Variants in CLASP1 observed in about 807,000 individuals in gnomAD.
The protein encoded by CLASP1 is cytoplasmic linker associated protein 1.
A neutral mutation model predicts 192.3 loss-of-function variants in CLASP1; 38 were observed. The ratio of observed to expected loss-of-function variants is 0.20; its 90% confidence interval spans 0.15 to 0.26. The LOEUF is 0.26. Among genes scored for constraint, CLASP1 ranks in the 10% least tolerant of loss-of-function variants. The pLI, the probability that CLASP1 is intolerant of heterozygous loss-of-function variation, is 1.00. For missense variants in CLASP1, 1,433 were observed against 1,932.5 expected (o/e 0.74, Z 4.85); for synonymous variants, 691 against 712.8 (o/e 0.97, Z 0.49).
chr2:121,495,141 T>C (rs1001635525), intron 8 of CLASP1, among the ~76,000 whole-genome samples: 15 of 151,354 alleles, frequency 9.9e-5, no homozygotes, highest in Admixed American at 2.6e-4. Flanking sequence ...GCTAACACAG[T>C]GAAACTCCAT....
At chr2:121,500,397 A>G (rs375881892) in intron 8 of CLASP1, among the ~76,000 whole-genome samples, 5 of 132,130 alleles carry the variant, frequency 3.8e-5, no homozygotes, top group African/African-American at 5.5e-5. Flanking sequence ...AGAAAGAAAG[A>G]AAAGAAAGAA....
intron 8 of CLASP1, among the ~76,000 whole-genome samples, chr2:121,477,024 C>A (rs1019240684): frequency 6.6e-6 from 1 of 152,224 alleles, no homozygotes; most frequent in Non-Finnish European, 1.5e-5. Context: ...CTTGAAAACA[C>A]AAGTCTACTG....
At chr2:121,537,518 A>G (rs2095122058) in intron 2 of CLASP1, among the ~76,000 whole-genome samples, 1 of 152,194 alleles carries the variant, frequency 6.6e-6, no homozygotes, top group Non-Finnish European at 1.5e-5. Context: ...ATCACACCAC[A>G]CTAAGGAAAA....
chr2:121,467,468 T>G (rs143211333), intron 9 of CLASP1, among the ~76,000 whole-genome samples: 2 of 152,170 alleles, frequency 1.3e-5, no homozygotes, highest in African/African-American at 4.8e-5. Context: ...CTCGCCAGCA[T>G]CTATTGTTTT....
chr2:121,410,855 G>A lies in CLASP1; in HGVS notation c.2424+11C>T, dbSNP rs2077597031. 2.6e-6 allele frequency: 4 copies of A among 1,553,064 alleles called. No homozygotes were observed. Among genetic ancestry groups the A allele is most frequent in the South Asian group, 1.1e-5 (1 of 88,244 alleles). On this transcript the variant is annotated intron_variant, in intron 24 of 39. Coordinates refer to ENST00000263710, the Ensembl canonical transcript of CLASP1. ...CAAAAAGACTGTGTACATACATACTGTGCCTCTTACCAAAGCATCAGCAAC... is the reference window on the plus strand; with the variant it reads ...CAAAAAGACTGTGTACATACATACTATGCCTCTTACCAAAGCATCAGCAAC...
chr2:121,625,235 T>G (rs1463897986), intron 1 of CLASP1, among the ~76,000 whole-genome samples: 1 of 152,192 alleles, frequency 6.6e-6, no homozygotes, highest in East Asian at 1.9e-4. Flanking sequence ...ATTTCAATTT[T>G]AAAATATTCA....
At chr2:121,593,357 C>T (rs2062653335) in intron 2 of CLASP1, among the ~76,000 whole-genome samples, 1 of 152,162 alleles carries the variant, frequency 6.6e-6, no homozygotes, top group Non-Finnish European at 1.5e-5. Context: ...CGGTGGCTCA[C>T]ACCTGTAATC....
chr2:121,469,903 G>A, exon 9 of CLASP1: 1 of 1,613,598 alleles, frequency 6.2e-7, no homozygotes, highest in East Asian at 2.2e-5. Flanking sequence ...GGATGATGTA[G>A]AACTAGCAGA....
At chr2:121,480,333 T>G (rs746764825) in intron 8 of CLASP1, among the ~76,000 whole-genome samples, 50 of 152,200 alleles carry the variant, frequency 3.3e-4, no homozygotes, top group Non-Finnish European at 2.6e-4. Flanking sequence ...AAGTTCACAC[T>G]GGGTAAGAGC....
intron 7 of CLASP1, among the ~76,000 whole-genome samples, chr2:121,507,319 G>A (rs888222823): frequency 1.5e-4 from 23 of 152,116 alleles, no homozygotes; most frequent in Non-Finnish European, 2.5e-4. Flanking sequence ...TTCACCAGGA[G>A]GAGTTCAACA....
In CLASP1 at chr2:121,544,832, G is replaced by C. The variant is rs193223190; in HGVS notation, c.196-14507C>G. Among the ~76,000 whole-genome samples the C allele has an allele frequency of 4.0e-3, 605 of 152,008 alleles. 3 individuals are homozygous for C. The highest frequency in any genetic ancestry group is 0.013 in the African/African-American group (538 of 41,500). On this transcript the variant is annotated intron_variant, in intron 2 of 39. Coordinates refer to ENST00000263710, the Ensembl canonical transcript of CLASP1. ...AAAGAGAGGTGAAGGCAATTACCAA[G>C]ATGATGGCAAAAGGGATTCTCAGAA...
intron 1 of CLASP1, among the ~76,000 whole-genome samples, chr2:121,643,940 G>C (rs1576723741): frequency 6.6e-6 from 1 of 152,148 alleles, no homozygotes; most frequent in East Asian, 1.9e-4. Flanking sequence ...AATAAAATAA[G>C]GCCAGGCTGC....
intron 1 of CLASP1, among the ~76,000 whole-genome samples, chr2:121,645,224 A>AT (rs1222575963): frequency 6.6e-6 from 1 of 152,224 alleles, no homozygotes; most frequent in African/African-American, 2.4e-5. Context: ...TAGAAGTGTG[A>AT]TATCTGTCAT....
chr2:121,566,183 G>C (rs772565625), intron 2 of CLASP1, among the ~76,000 whole-genome samples: 2 of 152,188 alleles, frequency 1.3e-5, no homozygotes, highest in Admixed American at 6.5e-5. Flanking sequence ...CCCACAAGAG[G>C]GGGTAGATGT....
At chr2:121,529,865 G>A (rs1015790015) in intron 3 of CLASP1, among the ~76,000 whole-genome samples, 1 of 152,228 alleles carries the variant, frequency 6.6e-6, no homozygotes, top group African/African-American at 2.4e-5. Context: ...GACTTGGTTG[G>A]CACTAAAGAG....
At chr2:121,591,336 T>C (rs2062378262) in intron 2 of CLASP1, among the ~76,000 whole-genome samples, 1 of 152,178 alleles carries the variant, frequency 6.6e-6, no homozygotes, top group South Asian at 2.1e-4. Flanking sequence ...CCTTTATATA[T>C]GCACACTAAT....
chr2:121,628,254 G>A (rs1454219759), intron 1 of CLASP1, among the ~76,000 whole-genome samples: 1 of 152,130 alleles, frequency 6.6e-6, no homozygotes, highest in African/African-American at 2.4e-5. Context: ...TTTCCAAAAC[G>A]AGTTATGATT....
intron 1 of CLASP1, among the ~76,000 whole-genome samples, chr2:121,643,686 T>G (rs183010773): frequency 6.6e-6 from 1 of 152,176 alleles, no homozygotes; most frequent in Admixed American, 6.5e-5. Context: ...AACTGGTAAG[T>G]GGGTGTTTCT....
intron 1 of CLASP1, among the ~76,000 whole-genome samples, chr2:121,623,627 T>C (rs1375491567): frequency 6.6e-6 from 1 of 151,912 alleles, no homozygotes; most frequent in Non-Finnish European, 1.5e-5. Context: ...TTTAAATATT[T>C]GGTAGAATCA....
Sources: gnomAD v4.1 joint callset for allele counts (sites outside exome capture counted in the v4.1 genomes callset) on GRCh38, gnomAD v4.1.1 for gene constraint, MANE v1.5 for transcripts, NCBI Gene and HGNC (gene_info 2026-07-23, HGNC 2026-07-21) for gene names.